Variants in OLA1 observed in about 807,000 individuals in gnomAD.
OLA1 encodes the protein Obg like ATPase 1.
Under a neutral mutation model 48.4 loss-of-function variants are expected in OLA1, and 14 were observed. The observed-to-expected ratio is 0.29, with a 90% confidence interval of 0.19 to 0.45. The LOEUF is 0.45. Among genes scored for constraint, OLA1 ranks in the 20% least tolerant of loss-of-function variants. The pLI is 1.00. For synonymous variants in OLA1, 127 were observed against 150.4 expected, an observed-to-expected ratio of 0.84 and a Z score of 1.14; for missense variants, 325 against 467.1, an observed-to-expected ratio of 0.70 and a Z score of 2.80.
intron 2 of OLA1, among the ~76,000 whole-genome samples, chr2:174,232,247 A>T (rs534573568): frequency 6.6e-6 from 1 of 152,334 alleles, no homozygotes; most frequent in African/African-American, 2.4e-5. Flanking sequence ...ACAAAATTGC[A>T]GCATGTAATG....
At chr2:174,119,042 ATAT>A (rs1685848258) in intron 7 of OLA1, among the ~76,000 whole-genome samples, 1 of 152,066 alleles carries the variant, frequency 6.6e-6, no homozygotes, top group South Asian at 2.1e-4. Context: ...GAATTCACAA[ATAT>A]TATTACATGT....
intron 9 of OLA1, 96 bp downstream of exon 9, chr2:174,081,056 C>A (rs976911953): frequency 2.0e-6 from 2 of 995,082 alleles, no homozygotes; most frequent in Admixed American, 3.7e-5. Context: ...TAATGACTAG[C>A]TAACCGCCAC....
rs1189754386 is a variant in OLA1 at position 174,172,118 on chromosome 2, T to C, written c.374-30118A>G. 2.3e-5 allele frequency: 5 copies of C among 217,496 alleles called. No homozygotes were observed. The Middle Eastern group carries it at 2.3e-3, about 98-fold the overall frequency. 13.5% of individuals were successfully genotyped at this position (217,496 alleles called of 1,614,324 possible). A position where few individuals can be genotyped will look rare whatever the true frequency, so the allele number is the denominator to read the frequency against. On this transcript the variant is annotated intron_variant, in intron 4 of 10. Coordinates refer to ENST00000284719, the MANE Select transcript of OLA1 (RefSeq NM_013341.5). ...GATGTATTTGTACACCAGACTGCCA[T>C]AAAGAATAACCCCAAGAAGTACCTT... is the stretch of plus-strand genomic sequence containing the variant.
At position 174,123,642 on chromosome 2, in the gene OLA1, C is replaced by T. The variant is rs1336817737; in HGVS notation, c.583G>A (p.Asp195Asn). The T allele has an allele frequency of 6.3e-6, 10 of 1,597,480 alleles. No homozygotes were observed. The Middle Eastern group carries it at 5.0e-4, about 80-fold the overall frequency. The change falls in exon 6 of 11, where the codon GAT becomes AAT. Residue 195 changes from aspartate to asparagine, a missense_variant. By Grantham distance (23) the Asp-to-Asn change is conservative. Coordinates refer to ENST00000284719, the MANE Select transcript of OLA1 (RefSeq NM_013341.5). ...IMCKVKSWVI[D>N]QKKPVRFYHD... is the part of the protein sequence containing the mutation. ...TAGAAGCGAACAGGTTTCTTTTGAT[C>T]TATAACCCAGGATTTTACTTTGCAC...
intron 4 of OLA1, among the ~76,000 whole-genome samples, chr2:174,173,437 T>A (rs1481495434): frequency 3.9e-5 from 6 of 152,074 alleles, no homozygotes; most frequent in African/African-American, 1.4e-4. Context: ...AACAAACATA[T>A]TTTTAAGCCT....
chr2:174,177,797 G>T (rs967875810), intron 4 of OLA1, among the ~76,000 whole-genome samples: 2 of 151,112 alleles, frequency 1.3e-5, no homozygotes, highest in Admixed American at 6.6e-5. Flanking sequence ...ATTTCTTAAA[G>T]TTTTTCCAGA....
chr2:174,083,941 T>C (rs921731847), intron 7 of OLA1, among the ~76,000 whole-genome samples: 1 of 152,178 alleles, frequency 6.6e-6, no homozygotes. Flanking sequence ...AACACATCAA[T>C]TCAGAATAAC....
chr2:174,183,260 T>C (rs1687587380), intron 4 of OLA1, among the ~76,000 whole-genome samples: 1 of 152,206 alleles, frequency 6.6e-6, no homozygotes, highest in African/African-American at 2.4e-5. Flanking sequence ...AGTAGGCCAC[T>C]GGCATCAGAA....
At chr2:174,186,904 C>G (rs1282470967) in intron 4 of OLA1, among the ~76,000 whole-genome samples, 2 of 152,078 alleles carry the variant, frequency 1.3e-5, no homozygotes, top group African/African-American at 2.4e-5. Flanking sequence ...CAAGGGCAAA[C>G]TGTTGACACT....
intron 4 of OLA1, among the ~76,000 whole-genome samples, chr2:174,162,038 A>T (rs989278591): frequency 6.6e-6 from 1 of 152,180 alleles, no homozygotes; most frequent in African/African-American, 2.4e-5. Context: ...GAAGGCTCCT[A>T]ATCTCAAAGG....
At chr2:174,147,864 CT>C (rs1686647728) in intron 4 of OLA1, among the ~76,000 whole-genome samples, 1 of 152,156 alleles carries the variant, frequency 6.6e-6, no homozygotes, top group Non-Finnish European at 1.5e-5. Flanking sequence ...TGCTCTGTCG[CT>C]CAGGCTGGAG....
At chr2:174,177,235 G>T (rs749743433) in intron 4 of OLA1, among the ~76,000 whole-genome samples, 1 of 152,102 alleles carries the variant, frequency 6.6e-6, no homozygotes, top group Non-Finnish European at 1.5e-5. Flanking sequence ...TCTTTTCACA[G>T]CAGATGGAAA....
chr2:174,242,188 G>A (rs960744426), intron 2 of OLA1, among the ~76,000 whole-genome samples: 2 of 152,192 alleles, frequency 1.3e-5, no homozygotes, highest in East Asian at 1.9e-4. Context: ...GGACTGGACC[G>A]TGAATTGGCT....
chr2:174,232,628 C>A (rs11686695), intron 2 of OLA1, among the ~76,000 whole-genome samples: 19,975 of 152,144 alleles, frequency 0.13, 1,776 homozygotes, highest in Non-Finnish European at 0.2. Flanking sequence ...AACCACTAAT[C>A]ACTAGAGAAA....
rs372577919 is a variant in OLA1 at position 174,219,423 on chromosome 2, CTTTTT to C, written c.373+3605_373+3609del. On this transcript the variant is annotated intron_variant, in intron 4 of 10. Transcript: ENST00000284719. ...TGGCAACTTACTCCATTTTATTTCC[CTTTTT>C]TTTTTTTTTTTTTTTTTTTTGCGAT... is the stretch of plus-strand genomic sequence containing the variant. 7.4e-5 allele frequency among the ~76,000 whole-genome samples: 7 copies of C among 94,924 alleles called. No homozygotes were observed. In the Admixed American group the frequency reaches 8.3e-4, roughly 11 times the overall value. 62.3% of individuals were successfully genotyped at this position (94,924 alleles called of 152,430 possible).
At position 174,081,937 on chromosome 2, in the gene OLA1, T is replaced by A; in HGVS notation, c.856A>T (p.Asn286Tyr). 1.2e-6 allele frequency: 2 copies of A among 1,612,024 alleles called. No homozygotes were observed. The highest frequency in any genetic ancestry group is 1.7e-6 in the Non-Finnish European group (2 of 1,179,316). Residue 286 changes from asparagine to tyrosine, a missense_variant, in exon 8 of 11, where the codon AAC becomes TAC. Transcript: ENST00000284719. ...ATGCTAATTAACCTTTGTGTCATGT[T>A]CGCTTCCAGATACTTCTGTCTCTCC... ...AEERQKYLEA[N>Y]MTQSALPKII...
At chr2:174,220,030 G>A (rs747793771) in intron 4 of OLA1, among the ~76,000 whole-genome samples, 3 of 152,084 alleles carry the variant, frequency 2.0e-5, no homozygotes, top group Non-Finnish European at 2.9e-5. Flanking sequence ...TATTGGAGAG[G>A]TTGAGGCACG....
chr2:174,088,219 G>A (rs1685027541), intron 7 of OLA1, among the ~76,000 whole-genome samples: 1 of 152,142 alleles, frequency 6.6e-6, no homozygotes, highest in South Asian at 2.1e-4. Flanking sequence ...GTTGTCCATG[G>A]TATGGATGTA....
chr2:174,102,785 A>G (rs16862364), intron 7 of OLA1, among the ~76,000 whole-genome samples: 18,024 of 152,226 alleles, frequency 0.12, 2,288 homozygotes, highest in East Asian at 0.7. Flanking sequence ...TCATTTGTCT[A>G]CAGTGGTAAA....
Sources: allele counts gnomAD v4.1 joint callset (sites outside exome capture counted in the v4.1 genomes callset), GRCh38; gene constraint gnomAD v4.1.1; transcripts MANE v1.5; gene names NCBI Gene and HGNC (gene_info 2026-07-23, HGNC 2026-07-21).